Variants in SLC38A7 observed in about 807,000 individuals in gnomAD.
SLC38A7 encodes solute carrier family 38 member 7, also known as sodium-coupled neutral amino acid transporter 7.
In SLC38A7, 29 loss-of-function variants were observed where a neutral mutation model predicts 50.1. The observed-to-expected ratio is 0.58, with a 90% CI of 0.43 to 0.79. The LOEUF (loss-of-function observed/expected upper bound fraction) is 0.79, where lower values mean the gene tolerates loss of function less well. Ranked by LOEUF, SLC38A7 falls within the 30% of genes least tolerant of loss-of-function variation. SLC38A7 has a pLI of 0.00. For synonymous variants in SLC38A7, 244 were observed against 245.9 expected, an observed-to-expected ratio of 0.99 and a Z score of 0.07; for missense variants, 483 against 610.6, an observed-to-expected ratio of 0.79 and a Z score of 2.20.
At chr16:58,674,550 T>C (rs1393280022) in intron 8 of SLC38A7, among the ~76,000 whole-genome samples, 1 of 152,184 alleles carries the variant, frequency 6.6e-6, no homozygotes, top group African/African-American at 2.4e-5. Flanking sequence ...GCTGAGATTA[T>C]AGGTGTGAGC....
In SLC38A7 at chr16:58,677,435, G is replaced by C. The variant is rs767597823; in HGVS notation, c.612-11C>G. On this transcript the variant is annotated splice_polypyrimidine_tract_variant and intron_variant, in intron 5 of 11. Transcript: ENST00000219320. ...ACGACGCTCAGGAAGCTGCCGGGAA[G>C]GAGAGACTAAGTGTCCTCATCCCCA... 1 of 1,613,292 alleles carries C rather than the reference G, an allele frequency of 6.2e-7. No individual in the cohort carries two copies. The highest frequency in any genetic ancestry group is 1.1e-5 in the South Asian group (1 of 91,072).
Position 58,678,964 on chromosome 16 carries a change from G to C in SLC38A7, c.271-70C>G. 1.3e-6 allele frequency: 2 copies of C among 1,490,566 alleles called. No homozygotes were observed. The highest frequency in any genetic ancestry group is 1.8e-6 in the Non-Finnish European group (2 of 1,091,494). 92.3% of individuals were successfully genotyped at this position (1,490,566 alleles called of 1,614,324 possible). A position where few individuals can be genotyped will look rare whatever the true frequency, so the allele number is the denominator to read the frequency against. On this transcript the variant is annotated intron_variant, in intron 3 of 11. Coordinates refer to ENST00000219320, the MANE Select transcript of SLC38A7 (RefSeq NM_018231.3). This position sits in a 1 kb window ranked among gnomAD's most constrained non-coding sequence, Gnocchi z 4.0. ...GCAGAGGGCACCCTGGGCTCGCCTA[G>C]CATTTACTGGGCCAGTGCCCAAAGC... is the stretch of plus-strand genomic sequence containing the variant.
chr16:58,674,711 G>T (rs1265073895), intron 8 of SLC38A7, among the ~76,000 whole-genome samples: 2 of 152,104 alleles, frequency 1.3e-5, no homozygotes, highest in Non-Finnish European at 2.9e-5. Flanking sequence ...GCCAGGACAT[G>T]AGCCCCAGGA....
chr16:58,680,518 G>A (rs529829595), intron 2 of SLC38A7, among the ~76,000 whole-genome samples: 4 of 152,320 alleles, frequency 2.6e-5, no homozygotes, highest in Middle Eastern at 3.4e-3. Context: ...GCCCCGCATC[G>A]GGCAGGTGTG....
chr16:58,669,927 A>G (rs1597663929), intron 11 of SLC38A7, among the ~76,000 whole-genome samples, 186 bp downstream of exon 11: 1 of 151,722 alleles, frequency 6.6e-6, no homozygotes, highest in East Asian at 1.9e-4. Context: ...GTGAGCTGAG[A>G]TCGTGCCACT....
At position 58,671,029 on chromosome 16, in the gene SLC38A7, C is replaced by A; in HGVS notation, c.1231+16G>T. The A allele has an allele frequency of 1.3e-6, 2 of 1,567,102 alleles. No individual in the cohort carries two copies. The highest frequency in any genetic ancestry group is 1.4e-5 in the African/African-American group (1 of 73,574). ...TGTGCTGTGGGGCTGTGAGATGGGG[C>A]GCCAGGGGTCCGCACCTGGGAAGAC... On this transcript the variant is annotated intron_variant, in intron 10 of 11. Transcript: ENST00000219320.
Position 58,669,515 on chromosome 16 carries a change from G to C in SLC38A7, c.1286+598C>G, listed in dbSNP as rs970298508. On this transcript the variant is annotated intron_variant, in intron 11 of 11. Transcript: ENST00000219320. ...CGCACACATGTACAGAAGTGGTTGA[G>C]GACACAGACCATACTGGTAACATGG... is the stretch of plus-strand genomic sequence containing the variant. Among the ~76,000 whole-genome samples, 6 of 152,256 alleles carry C rather than the reference G, an allele frequency of 3.9e-5. No individual in the cohort carries two copies. The South Asian group carries it at 1.2e-3, about 32-fold the overall frequency.
chr16:58,678,245 A>G lies in SLC38A7; in HGVS notation c.611+88T>C, dbSNP rs915791242. On this transcript the variant is annotated intron_variant, in intron 5 of 11. Transcript: ENST00000219320. This position sits in a 1 kb window ranked among gnomAD's most constrained non-coding sequence, Gnocchi z 4.0. ...CTCTTGCTCCCCAAGGTGAGGTGGC[A>G]TGGAGGAGCAGGGTTCCCCAGGAGC... 17 of 1,409,184 alleles carry G rather than the reference A, an allele frequency of 1.2e-5. No individual in the cohort carries two copies. Among genetic ancestry groups the G allele is most frequent in the African/African-American group, 4.3e-5 (3 of 69,596 alleles). The allele number at this position is 1,409,184 out of a possible 1,614,324, so 87.3% of individuals were successfully genotyped here. A position where few individuals can be genotyped will look rare whatever the true frequency, so the allele number is the denominator to read the frequency against.
Position 58,679,957 on chromosome 16 carries a change from A to G in SLC38A7, c.170T>C (p.Ile57Thr). 6.2e-7 allele frequency: 1 copy of G among 1,611,964 alleles called. No individual in the cohort carries two copies. The highest frequency in any genetic ancestry group is 8.5e-7 in the Non-Finnish European group (1 of 1,178,654). The part of the protein sequence containing the change: ...DRGTTSTLGA[I>T]FIVVNACLGA... ...CAGGCACGCGTTGACGACGATGAAG[A>G]TGGCCCCAAGTGTGGAAGTGGTGCC... is the stretch of plus-strand genomic sequence containing the variant. Residue 57 changes from isoleucine to threonine, a missense_variant, in exon 3 of 12, where the codon ATC (isoleucine) becomes ACC (threonine). Physicochemically the swap from Ile to Thr is moderately conservative, Grantham distance 89. Transcript: ENST00000219320.
chr16:58,671,122 G>A lies in SLC38A7; in HGVS notation c.1154C>T (p.Ala385Val), dbSNP rs1019404981. The change falls in exon 10 of 12, where the codon GCG becomes GTG. Residue 385 changes from alanine to valine, a missense_variant. Physicochemically the swap from Ala to Val is moderately conservative, Grantham distance 64 (BLOSUM62 0). Coordinates refer to ENST00000219320, the MANE Select transcript of SLC38A7 (RefSeq NM_018231.3). The stretch of plus-strand genomic sequence containing the variant: ...CTTGCCGATGTCAGGGATGAAGAGC[G>A]CCAGCAGCAGGGTGAGCAGGAACCA... ...LVWFLLTLLL[A>V]LFIPDIGKVI... 2.5e-5 allele frequency: 41 copies of A among 1,613,788 alleles called. No individual in the cohort carries two copies. The highest frequency in any genetic ancestry group is 3.2e-5 in the Non-Finnish European group (38 of 1,179,918).
chr16:58,671,421 C>T (rs1251061307), intron 9 of SLC38A7, among the ~76,000 whole-genome samples, 177 bp from the exon 10 acceptor site: 4 of 152,200 alleles, frequency 2.6e-5, no homozygotes, highest in Admixed American at 2.0e-4. Context: ...GGACTAGAGA[C>T]GGTGAATGTC....
chr16:58,680,178 C>T lies in SLC38A7; in HGVS notation c.-52G>A, dbSNP rs1170922505. 4 of 1,493,538 alleles carry T rather than the reference C, an allele frequency of 2.7e-6. No homozygotes were observed. The highest frequency in any genetic ancestry group is 3.6e-6 in the Non-Finnish European group (4 of 1,122,284). 92.5% of individuals were successfully genotyped at this position (1,493,538 alleles called of 1,614,324 possible). Reference sequence around the variant, plus strand: ...GTCTGTGGGTTCTGCCTTACAACCACATGCCTCAGGGAGCTGAGCAACACC... The same window carrying T: ...GTCTGTGGGTTCTGCCTTACAACCATATGCCTCAGGGAGCTGAGCAACACC... On this transcript the variant is annotated 5_prime_UTR_variant, in exon 3 of 12. In the 5' UTR this introduces an upstream ATG that the reference lacks. Transcript: ENST00000219320.
chr16:58,679,555 ATT>A (rs1485032546), intron 3 of SLC38A7: 7 of 531,628 alleles, frequency 1.3e-5, no homozygotes, highest in Admixed American at 3.6e-5. Context: ...ATCAATAAAT[ATT>A]TCAGTATGTA....
intron 6 of SLC38A7, 141 bp from the exon 7 acceptor site, chr16:58,676,487 A>C: frequency 1.2e-6 from 1 of 840,220 alleles, no homozygotes. Context: ...GTCTGGGAAC[A>C]GGGAGAAGAG....
At position 58,672,208 on chromosome 16, in the gene SLC38A7, C is replaced by G. The variant is rs1447322792; in HGVS notation, c.919G>C (p.Asp307His). Residue 307 changes from aspartate to histidine, a missense_variant, in exon 9 of 12, where the codon GAT (aspartate) becomes CAT (histidine). By Grantham distance (81) the Asp-to-His change is moderately conservative. Coordinates refer to ENST00000219320, the MANE Select transcript of SLC38A7 (RefSeq NM_018231.3). Reference protein sequence around the residue: ...CGFLTFGAAVDPDVLLSYPSE... With the variant: ...CGFLTFGAAVHPDVLLSYPSE... The stretch of plus-strand genomic sequence containing the variant: ...GGATAGGACAGGAGCACGTCAGGAT[C>G]CACAGCAGCTCCAAAGGTCAGGAAG... The G allele has an allele frequency of 4.4e-6, 7 of 1,581,366 alleles. No homozygotes were observed. Among genetic ancestry groups the G allele is most frequent in the Non-Finnish European group, 5.2e-6 (6 of 1,163,776 alleles).
chr16:58,672,927 C>A (rs972540336), intron 8 of SLC38A7, among the ~76,000 whole-genome samples: 3 of 151,782 alleles, frequency 2.0e-5, no homozygotes, highest in Non-Finnish European at 4.4e-5. Flanking sequence ...ACCCAGCCTT[C>A]TTCTTTTTTA....
chr16:58,678,251 G>C lies in SLC38A7; in HGVS notation c.611+82C>G. 1 of 1,421,718 alleles carries C rather than the reference G, an allele frequency of 7.0e-7. No homozygotes were observed. Among genetic ancestry groups the C allele is most frequent in the Non-Finnish European group, 9.3e-7 (1 of 1,075,504 alleles). The allele number at this position is 1,421,718 out of a possible 1,614,324, so 88.1% of individuals were successfully genotyped here. Reference sequence around the variant, plus strand: ...CTCCCCAAGGTGAGGTGGCATGGAGGAGCAGGGTTCCCCAGGAGCCCTTGG... The same window carrying C: ...CTCCCCAAGGTGAGGTGGCATGGAGCAGCAGGGTTCCCCAGGAGCCCTTGG... On this transcript the variant is annotated intron_variant, in intron 5 of 11. Coordinates refer to ENST00000219320, the MANE Select transcript of SLC38A7 (RefSeq NM_018231.3). The surrounding 1 kb of genome is among the most constrained non-coding windows in gnomAD (Gnocchi z 4.0).
At chr16:58,675,620 C>T (rs760551202) in intron 8 of SLC38A7, among the ~76,000 whole-genome samples, 1 of 152,214 alleles carries the variant, frequency 6.6e-6, no homozygotes, top group Non-Finnish European at 1.5e-5. Context: ...CCAGTTACTC[C>T]TGCATGACTG....
At chr16:58,667,531 C>T in intron 11 of SLC38A7, 44 bp from the exon 12 acceptor site, 1 of 1,443,768 alleles carries the variant, frequency 6.9e-7, no homozygotes, top group Non-Finnish European at 9.5e-7. Context: ...TCATCCCATC[C>T]CATGACTGCA....
Sources: gnomAD v4.1 joint callset for allele counts (sites outside exome capture counted in the v4.1 genomes callset) on GRCh38, gnomAD v4.1.1 for gene constraint, Gnocchi (gnomAD v3.1) non-coding constraint, MANE v1.5 for transcripts, NCBI Gene and HGNC (gene_info 2026-07-23, HGNC 2026-07-21) for gene names.